The following MYO9A variants were observed in gnomAD, a reference collection of about 807,000 sequenced individuals.
MYO9A encodes unconventional myosin-IXa.
A neutral mutation model predicts 293.3 loss-of-function variants in MYO9A; 103 were observed. The ratio of observed to expected loss-of-function variants is 0.35; its 90% CI spans 0.30 to 0.41. The LOEUF (loss-of-function observed/expected upper bound fraction) is 0.41, where lower values mean the gene tolerates loss of function less well. MYO9A is among the 10% of genes least tolerant of loss of function. MYO9A has a pLI of 1.00. For missense variants in MYO9A, 2,685 were observed against 3,033.0 expected, an observed-to-expected ratio of 0.89 and a Z score of 2.69; for synonymous variants, 1,001 against 1,035.7, an observed-to-expected ratio of 0.97 and a Z score of 0.64.
intron 25 of MYO9A, 141 bp from the exon 26 acceptor site, chr15:71,893,919 T>C: frequency 5.9e-6 from 4 of 677,708 alleles, no homozygotes; most frequent in Non-Finnish European, 9.9e-6. Flanking sequence ...TTTTTCTGCT[T>C]AGCTAATTAG....
chr15:71,953,482 A>G (rs905831126), intron 14 of MYO9A, among the ~76,000 whole-genome samples: 7 of 152,268 alleles, frequency 4.6e-5, no homozygotes, highest in African/African-American at 1.7e-4. Flanking sequence ...AGTATTCTGT[A>G]TAAGAGCTCA....
At chr15:71,861,483 A>G (rs541312942) in intron 33 of MYO9A, among the ~76,000 whole-genome samples, 8 of 147,636 alleles carry the variant, frequency 5.4e-5, no homozygotes, top group South Asian at 2.1e-4. Flanking sequence ...TATTATATTT[A>G]TATATATTTT....
intron 23 of MYO9A, among the ~76,000 whole-genome samples, chr15:71,900,337 G>A (rs2057449555): frequency 6.7e-6 from 1 of 148,714 alleles, no homozygotes; most frequent in African/African-American, 2.5e-5. Context: ...TCAGGAGGCT[G>A]AGGCAGGAGA....
intron 1 of MYO9A, among the ~76,000 whole-genome samples, chr15:72,092,865 T>C (rs1210608378): frequency 6.6e-6 from 1 of 151,826 alleles, no homozygotes; most frequent in African/African-American, 2.4e-5. Flanking sequence ...TTCCATTTAC[T>C]TGTAACAACA....
chr15:71,834,256 CTAAT>C (rs1320284013), intron 39 of MYO9A, among the ~76,000 whole-genome samples: 1 of 151,950 alleles, frequency 6.6e-6, no homozygotes, highest in Non-Finnish European at 1.5e-5. Flanking sequence ...CTATGAAAAT[CTAAT>C]TAATACCATC....
At chr15:71,861,578 TATCCATCCATCC>T (rs199561922) in intron 33 of MYO9A, among the ~76,000 whole-genome samples, 2 of 147,650 alleles carry the variant, frequency 1.4e-5, no homozygotes, top group Admixed American at 1.4e-4. Context: ...TTTATTCATT[TATCCATCCATCC>T]ATCCATCCAT....
chr15:72,033,220 C>T (rs1040237332), intron 2 of MYO9A, among the ~76,000 whole-genome samples: 1 of 151,804 alleles, frequency 6.6e-6, no homozygotes, highest in African/African-American at 2.4e-5. Flanking sequence ...TTCCAGAGCC[C>T]CCCTACAAAA....
At chr15:72,072,232 T>C (rs1247068379) in intron 1 of MYO9A, among the ~76,000 whole-genome samples, 2 of 151,764 alleles carry the variant, frequency 1.3e-5, no homozygotes, top group East Asian at 3.9e-4. Context: ...CCCAGGTTCA[T>C]GCCATTCTCC....
intron 1 of MYO9A, among the ~76,000 whole-genome samples, chr15:72,092,173 T>C (rs1438255579): frequency 6.6e-6 from 1 of 152,188 alleles, no homozygotes; most frequent in Non-Finnish European, 1.5e-5. Flanking sequence ...CATAGTCTCA[T>C]AATGATAGAA....
upstream of MYO9A, chr15:72,118,509 G>A: frequency 6.6e-6 from 1 of 152,298 alleles, no homozygotes; most frequent in Non-Finnish European, 1.5e-5. Context: ...GCAGTGGATC[G>A]CTCTCCCACC....
chr15:72,027,202 A>C (rs953492149), intron 4 of MYO9A, among the ~76,000 whole-genome samples: 2 of 152,228 alleles, frequency 1.3e-5, no homozygotes, highest in Non-Finnish European at 2.9e-5. Flanking sequence ...AATAACCAAG[A>C]AGCAGAAAAG....
At position 71,951,440 on chromosome 15, in the gene MYO9A, GT is replaced by G. The variant is rs3830247; in HGVS notation, c.2302+336del. Among the ~76,000 whole-genome samples, 31,165 of 143,674 alleles carry G rather than the reference GT, an allele frequency of 0.22. 3,508 individuals carry two copies. Among genetic ancestry groups the G allele is most frequent in the East Asian group, 0.42 (2,101 of 5,012 alleles). 94.3% of individuals were successfully genotyped at this position (143,674 alleles called of 152,430 possible). On this transcript the variant is annotated intron_variant, in intron 15 of 41. Transcript: ENST00000356056. Reference sequence around the variant, plus strand: ...AGACCTCAATAAAGTTTTTTTTGTTGTTTTTTTTTTTATGAGCAGGAAAGAA... The same window carrying G: ...AGACCTCAATAAAGTTTTTTTTGTTGTTTTTTTTTTATGAGCAGGAAAGAA...
At chr15:71,902,081 A>G (rs893561999) in intron 22 of MYO9A, among the ~76,000 whole-genome samples, 2 of 152,150 alleles carry the variant, frequency 1.3e-5, no homozygotes, top group Non-Finnish European at 2.9e-5. Context: ...GAGCAGGTAG[A>G]TATTATATAC....
chr15:72,059,878 T>C (rs1285201074), intron 1 of MYO9A, among the ~76,000 whole-genome samples: 1 of 152,232 alleles, frequency 6.6e-6, no homozygotes, highest in Non-Finnish European at 1.5e-5. Flanking sequence ...GATAGTATAA[T>C]AACAATAAGG....
chr15:72,076,483 AT>A (rs2150279442), intron 1 of MYO9A, among the ~76,000 whole-genome samples: 1 of 152,290 alleles, frequency 6.6e-6, no homozygotes, highest in African/African-American at 2.4e-5. Context: ...GGAAAATGAC[AT>A]TTTTAAATAC....
intron 10 of MYO9A, among the ~76,000 whole-genome samples, chr15:71,993,297 C>A (rs1234906210): frequency 1.3e-5 from 2 of 151,718 alleles, no homozygotes; most frequent in Admixed American, 6.6e-5. Flanking sequence ...TTGCAATGAG[C>A]CAAGATCATA....
At chr15:72,100,910 G>A (rs1348845032) in intron 1 of MYO9A, among the ~76,000 whole-genome samples, 4 of 144,952 alleles carry the variant, frequency 2.8e-5, no homozygotes, top group African/African-American at 5.1e-5. Flanking sequence ...CCCGGTCCGG[G>A]AGGGAGGTGG....
At chr15:71,912,664 T>C (rs780511849) in intron 19 of MYO9A, among the ~76,000 whole-genome samples, 12 of 152,260 alleles carry the variant, frequency 7.9e-5, no homozygotes, top group Non-Finnish European at 1.5e-4. Flanking sequence ...TTTTCTTCCA[T>C]GTTTAAAATT....
intron 19 of MYO9A, among the ~76,000 whole-genome samples, chr15:71,914,340 C>G (rs1004160047): frequency 6.6e-6 from 1 of 152,112 alleles, no homozygotes; most frequent in Non-Finnish European, 1.5e-5. Flanking sequence ...TGTCCAGTTT[C>G]TGGTTGTTTA....
Sources: allele counts gnomAD v4.1 joint callset (sites outside exome capture counted in the v4.1 genomes callset), GRCh38; gene constraint gnomAD v4.1.1; transcripts MANE v1.5; gene names NCBI Gene and HGNC (gene_info 2026-07-23, HGNC 2026-07-21).